The following DMD variants were observed in gnomAD, a reference collection of about 807,000 sequenced individuals.
DMD encodes mutant dystrophin.
DMD carries 63 observed loss-of-function variants against 330.1 expected under a neutral mutation model. That is an observed-to-expected ratio of 0.19 (90% confidence interval 0.16 to 0.24). DMD has a LOEUF of 0.24. DMD is among the 10% of genes least tolerant of loss of function. DMD has a pLI of 1.00. For synonymous variants in DMD, 1,223 were observed against 959.8 expected, an observed-to-expected ratio of 1.27 and a Z score of -5.07; for missense variants, 3,344 against 2,684.1, an observed-to-expected ratio of 1.25 and a Z score of -5.43.
chrX:31,409,300 G>A (rs1404499941), intron 60 of DMD, among the ~76,000 whole-genome samples: 1 of 112,318 alleles, frequency 8.9e-6, no homozygotes, highest in Non-Finnish European at 1.9e-5. Context: ...TCCTAGAGCT[G>A]CTCACATGGT....
At chrX:32,364,922 A>T (rs2097849175) in intron 35 of DMD, 98 bp downstream of exon 35, 2 of 973,161 alleles carry the variant, frequency 2.1e-6, no homozygotes, top group Non-Finnish European at 1.5e-6. Context: ...ATATACGTAG[A>T]ATTGAGAAAT....
At chrX:32,478,153 T>C (rs2041435406) in intron 21 of DMD, among the ~76,000 whole-genome samples, 1 of 111,354 alleles carries the variant, frequency 9.0e-6, no homozygotes, top group African/African-American at 3.3e-5. Flanking sequence ...AAAGAGATGA[T>C]ATGTTAGTAG....
chrX:31,525,783 C>T (rs2073198393), intron 55 of DMD, among the ~76,000 whole-genome samples: 1 of 112,524 alleles, frequency 8.9e-6, no homozygotes, highest in Non-Finnish European at 1.9e-5. Flanking sequence ...ATGCTACGTT[C>T]AATCTGTTGT....
In DMD at chrX:31,379,760, C is replaced by G. The variant is rs756581172; in HGVS notation, c.9085-31126G>C. Among the ~76,000 whole-genome samples, 12 of 112,282 alleles carry G rather than the reference C, an allele frequency of 1.1e-4. No homozygotes were observed. The South Asian group carries it at 3.0e-3, about 28-fold the overall frequency. On this transcript the variant is annotated intron_variant, in intron 60 of 78. Coordinates refer to ENST00000357033, the MANE Select transcript of DMD (RefSeq NM_004006.3). Reference sequence around the variant, plus strand: ...GCGAGGGGTTCCTCCAGAATGGCCTCCCCCAGGAGCTTGCTACAAGTGCCA... The same window carrying G: ...GCGAGGGGTTCCTCCAGAATGGCCTGCCCCAGGAGCTTGCTACAAGTGCCA...
At chrX:33,285,236 T>C (rs954421489) in intron 1 of DMD, among the ~76,000 whole-genome samples, 4 of 112,003 alleles carry the variant, frequency 3.6e-5, no homozygotes, top group African/African-American at 6.5e-5. Flanking sequence ...TTGTGTAATA[T>C]AATGAACCAG....
At chrX:32,172,710 T>G (rs1431907807) in intron 44 of DMD, among the ~76,000 whole-genome samples, 2 of 112,062 alleles carry the variant, frequency 1.8e-5, no homozygotes, top group Non-Finnish European at 3.8e-5. Flanking sequence ...ATGAGATCAC[T>G]AAGGCCAGAA....
intron 42 of DMD, among the ~76,000 whole-genome samples, chrX:32,289,117 T>C (rs1421413201): frequency 1.8e-5 from 2 of 111,780 alleles, no homozygotes; most frequent in Non-Finnish European, 3.8e-5. Context: ...TTTGCTGTTT[T>C]ACTTTTTGTA....
intron 45 of DMD, among the ~76,000 whole-genome samples, chrX:31,946,208 G>T: frequency 9.0e-6 from 1 of 111,707 alleles, no homozygotes; most frequent in South Asian, 3.8e-4. Context: ...AAGTAACATT[G>T]AAATTGAGCC....
intron 25 of DMD, among the ~76,000 whole-genome samples, chrX:32,456,029 A>G (rs1033412129): frequency 5.4e-5 from 6 of 111,184 alleles, no homozygotes; most frequent in Middle Eastern, 4.8e-3. Context: ...AAGTAACTCT[A>G]TTCAAAAGAT....
At chrX:32,197,483 T>C (rs1246805629) in intron 44 of DMD, among the ~76,000 whole-genome samples, 1 of 111,924 alleles carries the variant, frequency 8.9e-6, no homozygotes, top group Non-Finnish European at 1.9e-5. Flanking sequence ...TGGGGAAGAA[T>C]TTCAGCATTT....
chrX:32,171,023 A>G (rs2147348618), intron 44 of DMD, among the ~76,000 whole-genome samples: 1 of 111,861 alleles, frequency 8.9e-6, no homozygotes, highest in East Asian at 2.8e-4. Flanking sequence ...AATTAGTCAT[A>G]CTGTGGTGAT....
At chrX:32,060,919 C>T (rs1217802663) in intron 44 of DMD, among the ~76,000 whole-genome samples, 1 of 111,259 alleles carries the variant, frequency 9.0e-6, no homozygotes, top group Non-Finnish European at 1.9e-5. Flanking sequence ...CTGAGCCATC[C>T]TGGACAACTC....
chrX:32,509,040 G>GA (rs2044975238), intron 18 of DMD, among the ~76,000 whole-genome samples: 1 of 109,677 alleles, frequency 9.1e-6, no homozygotes, highest in Admixed American at 9.7e-5. Flanking sequence ...TTGATCTCCT[G>GA]ACTTCATGAT....
intron 55 of DMD, among the ~76,000 whole-genome samples, chrX:31,569,391 TC>T (rs1490051137): frequency 9.2e-6 from 1 of 108,378 alleles, no homozygotes; most frequent in Non-Finnish European, 1.9e-5. Context: ...ATTTTGCAAT[TC>T]TGTACGTTTA....
At chrX:32,727,052 T>C (rs1380189753) in intron 7 of DMD, among the ~76,000 whole-genome samples, 2 of 110,954 alleles carry the variant, frequency 1.8e-5, no homozygotes, top group Non-Finnish European at 3.8e-5. Flanking sequence ...GTAAAATCAA[T>C]GTGTGAATGT....
rs376282418 is a variant in DMD at position 31,313,834 on chromosome X, TA to T, written c.9224+9763del. Among the ~76,000 whole-genome samples the T allele has an allele frequency of 6.8e-3, 737 of 108,868 alleles. 3 individuals carry two copies. Among genetic ancestry groups the T allele is most frequent in the Non-Finnish European group, 8.3e-3 (432 of 52,359 alleles). The allele number at this position is 108,868 out of a possible 115,157, so 94.5% of individuals were successfully genotyped here. ...CTTCCTTTTTTTTTTTTTTAACTTT[TA>T]TTTATTTATTTATTTTGAGATGGGG... is the stretch of plus-strand genomic sequence containing the variant. On this transcript the variant is annotated intron_variant, in intron 62 of 78. Coordinates refer to ENST00000357033, the MANE Select transcript of DMD (RefSeq NM_004006.3).
At chrX:32,555,028 A>G (rs867940829) in intron 16 of DMD, among the ~76,000 whole-genome samples, 1 of 109,495 alleles carries the variant, frequency 9.1e-6, no homozygotes, top group Non-Finnish European at 1.9e-5. Context: ...GGCTAATATC[A>G]TTGATGAACA....
intron 55 of DMD, chrX:31,508,288 T>G: frequency 8.4e-7 from 1 of 1,186,945 alleles, no homozygotes; most frequent in Non-Finnish European, 1.1e-6. Context: ...ATAGCAATCC[T>G]GAGAAAACCC....
Position 32,811,659 on chromosome X carries a change from A to G in DMD, c.531-2048T>C, listed in dbSNP as rs1267619963. ...TAATAGAGAAAATGCAAAGGAGTGT[A>G]AGAGGCAGTTCTTGTCTTATAAGGA... On this transcript the variant is annotated intron_variant, in intron 6 of 78. Transcript: ENST00000357033. 3.6e-5 allele frequency among the ~76,000 whole-genome samples: 4 copies of G among 111,918 alleles called. No individual in the cohort carries two copies. The Admixed American group carries it at 3.8e-4, about 11-fold the overall frequency.
Sources: gnomAD v4.1 joint callset for allele counts (sites outside exome capture counted in the v4.1 genomes callset) on GRCh38, gnomAD v4.1.1 for gene constraint, MANE v1.5 for transcripts, NCBI Gene and HGNC (gene_info 2026-07-23, HGNC 2026-07-21) for gene names.